ASIC2: variants seen among roughly 807,000 people sequenced by gnomAD.
ASIC2 encodes the protein acid-sensing ion channel 2.
In ASIC2, 25 loss-of-function variants were observed where a neutral mutation model predicts 57.3. The observed-to-expected ratio is 0.44, with a 90% CI of 0.32 to 0.61. ASIC2 has a LOEUF of 0.61. Ranked by LOEUF, ASIC2 falls within the 20% of genes least tolerant of loss-of-function variation. The pLI, the probability that ASIC2 is intolerant of heterozygous loss-of-function variation, is 0.06. For synonymous variants in ASIC2, 319 were observed against 307.5 expected, an observed-to-expected ratio of 1.04 and a Z score of -0.39; for missense variants, 641 against 738.1, an observed-to-expected ratio of 0.87 and a Z score of 1.52.
intron 1 of ASIC2, among the ~76,000 whole-genome samples, chr17:33,331,037 C>A (rs573793812): frequency 2.0e-5 from 3 of 151,978 alleles, no homozygotes; most frequent in Non-Finnish European, 2.9e-5. Context: ...AGGTGAGTGG[C>A]GGGCAAGTGA....
chr17:33,739,181 G>A (rs899217050), intron 1 of ASIC2, among the ~76,000 whole-genome samples: 1 of 152,190 alleles, frequency 6.6e-6, no homozygotes, highest in Non-Finnish European at 1.5e-5. Context: ...AAGTTTATAT[G>A]ACAAATGAAT....
At chr17:33,095,267 A>G (rs1452950940) in intron 2 of ASIC2, among the ~76,000 whole-genome samples, 1 of 151,826 alleles carries the variant, frequency 6.6e-6, no homozygotes, top group Non-Finnish European at 1.5e-5. Flanking sequence ...CCCTCCTCTC[A>G]TCTTCCATTT....
At chr17:33,815,579 G>A (rs1294036045) in intron 1 of ASIC2, among the ~76,000 whole-genome samples, 1 of 152,156 alleles carries the variant, frequency 6.6e-6, no homozygotes, top group East Asian at 1.9e-4. Context: ...TTGACTATTG[G>A]TGGCTAGGGA....
chr17:33,101,740 C>G (rs2092212807), intron 2 of ASIC2, among the ~76,000 whole-genome samples: 2 of 152,200 alleles, frequency 1.3e-5, no homozygotes. Context: ...TTGGTTAAAT[C>G]AGTATCCAGC....
intron 1 of ASIC2, among the ~76,000 whole-genome samples, chr17:33,716,372 G>A (rs1308850481): frequency 2.0e-5 from 3 of 152,120 alleles, no homozygotes; most frequent in African/African-American, 7.2e-5. Flanking sequence ...CTCTATCACT[G>A]TGTTCCATTC....
intron 1 of ASIC2, among the ~76,000 whole-genome samples, chr17:33,266,923 T>C (rs1161142586): frequency 6.6e-6 from 1 of 152,148 alleles, no homozygotes; most frequent in African/African-American, 2.4e-5. Context: ...GGGAAACTGC[T>C]TGGAGCGATT....
At chr17:34,118,276 T>C (rs572777000) in intron 1 of ASIC2, 4 of 152,338 alleles carry the variant, frequency 2.6e-5, no homozygotes, top group African/African-American at 7.2e-5. Flanking sequence ...AGTTAATGTA[T>C]GTAAGAGGCT....
intron 1 of ASIC2, among the ~76,000 whole-genome samples, chr17:33,317,917 G>GTGTGTGTGTGTT: frequency 6.9e-6 from 1 of 145,644 alleles, no homozygotes; most frequent in Non-Finnish European, 1.5e-5. Flanking sequence ...GTGTGTGTGT[G>GTGTGTGTGTGTT]TGTGTGTGTG....
At chr17:33,613,931 A>G (rs888724803) in intron 1 of ASIC2, among the ~76,000 whole-genome samples, 11 of 152,284 alleles carry the variant, frequency 7.2e-5, no homozygotes, top group African/African-American at 1.4e-4. Flanking sequence ...CCAGTGCTGT[A>G]GTGACTATAA....
At chr17:33,242,841 G>T (rs1467546439) in intron 1 of ASIC2, among the ~76,000 whole-genome samples, 1 of 152,164 alleles carries the variant, frequency 6.6e-6, no homozygotes, top group African/African-American at 2.4e-5. Context: ...TGTGGGGGTT[G>T]TTGTGCAGGG....
At chr17:33,950,643 G>A (rs1449700068) in intron 1 of ASIC2, among the ~76,000 whole-genome samples, 1 of 152,170 alleles carries the variant, frequency 6.6e-6, no homozygotes, top group Non-Finnish European at 1.5e-5. Flanking sequence ...CACTGCCTTG[G>A]CCATGTGGAG....
intron 1 of ASIC2, among the ~76,000 whole-genome samples, chr17:33,450,145 G>C (rs958820481): frequency 1.2e-4 from 18 of 152,258 alleles, no homozygotes; most frequent in Admixed American, 1.1e-3. Flanking sequence ...AAAACAAAAG[G>C]CTAGTTTAAT....
chr17:33,811,217 T>G (rs781563395), intron 1 of ASIC2, among the ~76,000 whole-genome samples: 3 of 152,162 alleles, frequency 2.0e-5, no homozygotes, highest in Non-Finnish European at 4.4e-5. Flanking sequence ...GCTCCAGCCC[T>G]CCTTCTCTGT....
At chr17:34,014,725 T>G (rs1182284716) in intron 1 of ASIC2, among the ~76,000 whole-genome samples, 1 of 152,186 alleles carries the variant, frequency 6.6e-6, no homozygotes, top group Non-Finnish European at 1.5e-5. Context: ...GAACCTCTGC[T>G]TCCTTATCTC....
At position 33,743,734 on chromosome 17, in the gene ASIC2, G is replaced by T. The variant is rs117723507; in HGVS notation, c.555+412244C>A. ...ATTCAGCCTGATGGCCTTTGGACTT[G>T]AACTATAGCATCAGTTCTCTTCTGC... On this transcript the variant is annotated intron_variant, in intron 1 of 9. Coordinates refer to the ASIC2 transcript ENST00000359872. 8.2e-3 allele frequency among the ~76,000 whole-genome samples: 1,254 copies of T among 152,280 alleles called. 16 individuals carry two copies. The highest frequency in any genetic ancestry group is 0.054 in the South Asian group (260 of 4,828).
chr17:33,145,220 C>A (rs932427856), intron 1 of ASIC2, among the ~76,000 whole-genome samples: 2 of 152,238 alleles, frequency 1.3e-5, no homozygotes, highest in Non-Finnish European at 2.9e-5. Context: ...GGAAGGCAGC[C>A]TCTACCAGCT....
intron 1 of ASIC2, among the ~76,000 whole-genome samples, chr17:33,925,062 C>T (rs373883649): frequency 1.2e-4 from 19 of 152,348 alleles, no homozygotes; most frequent in African/African-American, 4.6e-4. Flanking sequence ...GGGCTTCCTG[C>T]CTTCCCTGCT....
intron 1 of ASIC2, 138 bp downstream of exon 1, chr17:33,291,270 A>C: frequency 7.1e-7 from 1 of 1,416,840 alleles, no homozygotes; most frequent in South Asian, 1.6e-5. Context: ...GGACCCAAGA[A>C]TGGGTTCTGC....
intron 2 of ASIC2, among the ~76,000 whole-genome samples, chr17:33,094,316 C>T (rs909598471): frequency 5.9e-5 from 9 of 152,102 alleles, no homozygotes; most frequent in East Asian, 3.9e-4. Flanking sequence ...GCCACAGCTC[C>T]GGGTTGGGGG....
Sources: gnomAD v4.1 joint callset for allele counts (sites outside exome capture counted in the v4.1 genomes callset) on GRCh38, gnomAD v4.1.1 for gene constraint, MANE v1.5 for transcripts, NCBI Gene and HGNC (gene_info 2026-07-23, HGNC 2026-07-21) for gene names.